Variants in NCOR2 observed in about 807,000 individuals in gnomAD.
NCOR2 encodes the protein CTG repeat protein 26.
In NCOR2, 81 loss-of-function variants were observed where a neutral mutation model predicts 262.9. The observed-to-expected ratio is 0.31, with a 90% CI of 0.26 to 0.37. NCOR2 has a LOEUF of 0.37. Among genes scored for constraint, NCOR2 ranks in the 10% least tolerant of loss-of-function variants. NCOR2 has a pLI of 1.00. For synonymous variants in NCOR2, 1,659 were observed against 1,559.3 expected (o/e 1.06, Z -1.51); for missense variants, 3,385 against 3,621.4 (o/e 0.93, Z 1.68).
rs554719923 is a variant in NCOR2 at position 124,565,215 on chromosome 12, G to A, written c.-165+2093C>T. Among the ~76,000 whole-genome samples, 354 of 152,236 alleles carry A rather than the reference G, an allele frequency of 2.3e-3. 3 individuals are homozygous for A. Among genetic ancestry groups the A allele is most frequent in the African/African-American group, 8.1e-3 (336 of 41,514 alleles). On this transcript the variant is annotated intron_variant, in intron 1 of 32. Coordinates refer to the NCOR2 transcript ENST00000458234. ...TCCCCAGCAGCGTAAATAGCTCAGT[G>A]GGAAGAGGCCAGGGCTGGGGCCTGC...
chr12:124,524,847 A>G (rs1289192636), intron 1 of NCOR2, among the ~76,000 whole-genome samples: 1 of 151,450 alleles, frequency 6.6e-6, no homozygotes, highest in Non-Finnish European at 1.5e-5. Flanking sequence ...CCGCGATAGC[A>G]CTTGCTTGTT....
chr12:124,519,582 G>C lies in NCOR2; in HGVS notation c.-118+15983C>G, dbSNP rs147487800. Among the ~76,000 whole-genome samples the C allele has an allele frequency of 2.3e-4, 35 of 152,308 alleles. No homozygotes were observed. The South Asian group carries it at 6.2e-3, about 27-fold the overall frequency. Reference sequence around the variant, plus strand: ...AGGGGCGAGGCGGGGAGAGTTTGACGATGAGGTCAGGGAGCTAATAGGAGT... The same window carrying C: ...AGGGGCGAGGCGGGGAGAGTTTGACCATGAGGTCAGGGAGCTAATAGGAGT... On this transcript the variant is annotated intron_variant, in intron 1 of 46. Coordinates refer to the NCOR2 transcript ENST00000404621.
At chr12:124,567,190 G>A (rs2052275250) in intron 1 of NCOR2, 118 bp downstream of exon 1, 1 of 151,866 alleles carries the variant, frequency 6.6e-6, no homozygotes, top group Admixed American at 6.6e-5. Flanking sequence ...GCGCCAACTC[G>A]GGAGTGCAGG....
At chr12:124,370,708 T>C (rs1214645912) in intron 20 of NCOR2, among the ~76,000 whole-genome samples, 3 of 152,114 alleles carry the variant, frequency 2.0e-5, no homozygotes. Context: ...CCAAAGCATC[T>C]GTGCTGAAAA....
rs752213802 is a variant in NCOR2, at chr12:124,426,603, C to T, written c.1328+19G>A. 12 of 1,560,186 alleles carry T rather than the reference C, an allele frequency of 7.7e-6. No homozygotes were observed. Among genetic ancestry groups the T allele is most frequent in the Non-Finnish European group, 8.7e-6 (10 of 1,144,654 alleles). ...GGGGTGGGGGGCCGGGAGGCCAGGC[C>T]AGGTGATGGAGGACTCACTTCTCCC... On this transcript the variant is annotated intron_variant, in intron 11 of 46. Coordinates refer to ENST00000405201, the Ensembl canonical transcript of NCOR2.
intron 1 of NCOR2, among the ~76,000 whole-genome samples, chr12:124,551,731 T>G (rs2051719603): frequency 6.6e-6 from 1 of 152,200 alleles, no homozygotes; most frequent in Non-Finnish European, 1.5e-5. Context: ...GAGTTTCACT[T>G]AATTGCAGGC....
intron 34 of NCOR2, 96 bp downstream of exon 36, chr12:124,341,727 A>C: frequency 6.6e-7 from 1 of 1,508,192 alleles, no homozygotes; most frequent in Non-Finnish European, 8.9e-7. Flanking sequence ...CCACAAGGTG[A>C]CCAGGTCTAG....
intron 13 of NCOR2, among the ~76,000 whole-genome samples, chr12:124,415,437 G>C (rs2042806591): frequency 6.6e-6 from 1 of 152,210 alleles, no homozygotes; most frequent in African/African-American, 2.4e-5. Context: ...GCTGCCATGG[G>C]GCAGAGAGGA....
intron 3 of NCOR2, among the ~76,000 whole-genome samples, chr12:124,477,533 G>A (rs1455856140): frequency 1.3e-5 from 2 of 152,210 alleles, no homozygotes; most frequent in Non-Finnish European, 2.9e-5. Context: ...TGATGAGAAT[G>A]ATCTAGAACT....
chr12:124,558,698 T>C (rs1232352594), intron 1 of NCOR2, among the ~76,000 whole-genome samples: 1 of 152,144 alleles, frequency 6.6e-6, no homozygotes, highest in Middle Eastern at 3.2e-3. Context: ...AGGAGACTGC[T>C]GGGTCCACCT....
chr12:124,326,590 C>T (rs2034670444), intron 45 of NCOR2, among the ~76,000 whole-genome samples: 1 of 152,166 alleles, frequency 6.6e-6, no homozygotes. Context: ...ATAGTTTCTG[C>T]TGGGCAGGGG....
rs554316561 is a variant in NCOR2, at chr12:124,523,891, C to T, written c.-118+11674G>A. On this transcript the variant is annotated intron_variant, in intron 1 of 46. Transcript: ENST00000404621. The surrounding 1 kb of genome is among the most constrained non-coding windows in gnomAD (Gnocchi z 4.0). ...TTTTGAACTCAGCAAGTGTGAAACC[C>T]GCATCTACGACACTAACCACTAGAC... Among the ~76,000 whole-genome samples, 11 of 152,258 alleles carry T rather than the reference C, an allele frequency of 7.2e-5. No homozygotes were observed. The highest frequency in any genetic ancestry group is 1.0e-4 in the Non-Finnish European group (7 of 68,028).
chr12:124,335,670 C>G, intron 38 of NCOR2, 38 bp from the exon 41 acceptor site: 1 of 1,566,188 alleles, frequency 6.4e-7, no homozygotes, highest in African/African-American at 1.3e-5. Context: ...GGCACCGGGC[C>G]CAGGGTTTCG....
intron 7 of NCOR2, among the ~76,000 whole-genome samples, chr12:124,447,166 C>T (rs10744176): frequency 0.46 from 70,647 of 152,276 alleles, 19,312 homozygotes; most frequent in Non-Finnish European, 0.59. Context: ...CTGCCCGCCT[C>T]GGCCTTCCAA....
At chr12:124,529,491 A>G (rs1024165393) in intron 1 of NCOR2, among the ~76,000 whole-genome samples, 11 of 152,210 alleles carry the variant, frequency 7.2e-5, no homozygotes, top group Non-Finnish European at 1.6e-4. Context: ...ATAAAAAATA[A>G]AAAAATAAAT....
At chr12:124,381,237 C>A (rs2040386927) in intron 17 of NCOR2, among the ~76,000 whole-genome samples, 1 of 152,150 alleles carries the variant, frequency 6.6e-6, no homozygotes, top group African/African-American at 2.4e-5. Context: ...GCCCCAGCCA[C>A]AGGGCCTCTA....
chr12:124,507,315 C>G (rs1272792961), intron 1 of NCOR2, among the ~76,000 whole-genome samples: 1 of 152,238 alleles, frequency 6.6e-6, no homozygotes, highest in Non-Finnish European at 1.5e-5. Context: ...GAATTATCTA[C>G]TTACCAATGG....
At position 124,402,576 on chromosome 12, in the gene NCOR2, G is replaced by A. The variant is rs2136204731; in HGVS notation, c.1483-15C>T. 1 of 1,553,202 alleles carries A rather than the reference G, an allele frequency of 6.4e-7. No individual in the cohort carries two copies. The highest frequency in any genetic ancestry group is 2.4e-5 in the East Asian group (1 of 41,088). On this transcript the variant is annotated splice_polypyrimidine_tract_variant and intron_variant, in intron 13 of 46. Coordinates refer to ENST00000405201, the Ensembl canonical transcript of NCOR2. ...TGTTGCTGCTGCTGTCAGACCCCGG[G>A]GGAGGGCAGAGGGGAGTGGGGAGGG... is the stretch of plus-strand genomic sequence containing the variant.
At chr12:124,360,395 C>A (rs775390090) in intron 22 of NCOR2, among the ~76,000 whole-genome samples, 1 of 152,262 alleles carries the variant, frequency 6.6e-6, no homozygotes, top group East Asian at 1.9e-4. Context: ...TCCACCTCCA[C>A]GGCCACCTGT....
Sources: allele counts gnomAD v4.1 joint callset (sites outside exome capture counted in the v4.1 genomes callset), GRCh38; gene constraint gnomAD v4.1.1; non-coding constraint Gnocchi (gnomAD v3.1); transcripts MANE v1.5; gene names NCBI Gene and HGNC (gene_info 2026-07-23, HGNC 2026-07-21).